Variants in SIK2 observed in about 807,000 individuals in gnomAD.
SIK2 encodes serine/threonine-protein kinase SIK2.
A neutral mutation model predicts 103.2 loss-of-function variants in SIK2; 29 were observed. The observed-to-expected ratio is 0.28, with a 90% CI of 0.21 to 0.38. SIK2 has a LOEUF of 0.38. Ranked by LOEUF, SIK2 falls within the 10% of genes least tolerant of loss-of-function variation. The pLI is 1.00. For missense variants in SIK2, 879 were observed against 1,171.0 expected, an observed-to-expected ratio of 0.75 and a Z score of 3.64; for synonymous variants, 412 against 446.1, an observed-to-expected ratio of 0.92 and a Z score of 0.96.
chr11:111,713,850 C>G (rs754811084), intron 9 of SIK2, among the ~76,000 whole-genome samples: 11 of 152,170 alleles, frequency 7.2e-5, no homozygotes, highest in East Asian at 3.9e-4. Context: ...GCCTGTAATC[C>G]CAGCTACTCG....
Position 111,720,978 on chromosome 11 carries a change from G to C in SIK2, c.1860G>C (p.Leu620Phe). ...TAGAGTTGAACAAAGTGCAGTTGTTGTATGAACAAATAGGACCGGAGGCAG... is the reference window on the plus strand; with the variant it reads ...TAGAGTTGAACAAAGTGCAGTTGTTCTATGAACAAATAGGACCGGAGGCAG... Reference protein sequence around the residue: ...GILELNKVQLLYEQIGPEADP... With the variant: ...GILELNKVQLFYEQIGPEADP... Residue 620 changes from leucine (L) to phenylalanine (F), a missense_variant, in exon 12 of 15, where the codon TTG becomes TTC. Transcript: ENST00000304987. 1 of 1,614,184 alleles carries C rather than the reference G, an allele frequency of 6.2e-7. No homozygotes were observed. Among genetic ancestry groups the C allele is most frequent in the Middle Eastern group, 1.6e-4 (1 of 6,062 alleles).
intron 3 of SIK2, among the ~76,000 whole-genome samples, chr11:111,635,921 A>G (rs541860878): frequency 1.3e-5 from 2 of 152,354 alleles, no homozygotes; most frequent in South Asian, 4.1e-4. Context: ...GATCTTGGCC[A>G]TAACCATACC....
At chr11:111,647,912 G>T (rs1055622586) in intron 3 of SIK2, among the ~76,000 whole-genome samples, 1 of 151,870 alleles carries the variant, frequency 6.6e-6, no homozygotes, top group Non-Finnish European at 1.5e-5. Context: ...CATGAAGATG[G>T]TTTTTTTACT....
chr11:111,670,922 G>T (rs1038357934), intron 3 of SIK2: 1 of 160,450 alleles, frequency 6.2e-6, no homozygotes, highest in Admixed American at 6.4e-5. Context: ...GCCACAGAAG[G>T]GGGTAGGCAG....
At chr11:111,682,666 AT>A (rs1181692708) in intron 3 of SIK2, among the ~76,000 whole-genome samples, 1 of 152,256 alleles carries the variant, frequency 6.6e-6, no homozygotes, top group Non-Finnish European at 1.5e-5. Flanking sequence ...CAAAATGTTG[AT>A]AACTCGAATT....
At chr11:111,628,855 C>G (rs985709017) in intron 3 of SIK2, among the ~76,000 whole-genome samples, 1 of 152,000 alleles carries the variant, frequency 6.6e-6, no homozygotes, top group South Asian at 2.1e-4. Flanking sequence ...GATTCTTCCC[C>G]TATCCCTATA....
intron 1 of SIK2, among the ~76,000 whole-genome samples, chr11:111,612,701 C>A (rs1212804764): frequency 6.6e-6 from 1 of 152,050 alleles, no homozygotes; most frequent in East Asian, 1.9e-4. Context: ...GATATTAAAG[C>A]CTCTTTGAAT....
At chr11:111,622,534 G>A (rs547266534) in intron 3 of SIK2, among the ~76,000 whole-genome samples, 8 of 152,078 alleles carry the variant, frequency 5.3e-5, no homozygotes, top group South Asian at 2.1e-4. Context: ...GATTACAGGC[G>A]TGAGCCACCG....
intron 6 of SIK2, 125 bp from the exon 7 acceptor site, chr11:111,703,078 G>A: frequency 1.3e-6 from 1 of 755,286 alleles, no homozygotes; most frequent in Non-Finnish European, 2.1e-6. Context: ...TTATTCATTT[G>A]ACCTTCTGCT....
chr11:111,640,886 T>C (rs1020147172), intron 3 of SIK2, among the ~76,000 whole-genome samples: 2 of 151,798 alleles, frequency 1.3e-5, no homozygotes, highest in Admixed American at 6.6e-5. Flanking sequence ...AGGCCCCCGC[T>C]ACCACCCTCG....
Position 111,722,079 on chromosome 11 carries a change from C to T in SIK2, c.2055+139C>T. The T allele has an allele frequency of 3.5e-6, 2 of 570,240 alleles. No homozygotes were observed. Among genetic ancestry groups the T allele is most frequent in the Non-Finnish European group, 5.8e-6 (2 of 343,078 alleles). The allele number at this position is 570,240 out of a possible 1,614,324, so 35.3% of individuals were successfully genotyped here. ...ATAGGCAAGTAGCTTTGACTCTGTA[C>T]TTGGAGTTTCTAGAAACGTGTTCAG... On this transcript the variant is annotated intron_variant, in intron 13 of 14. Transcript: ENST00000304987. The surrounding 1 kb of genome is among the most constrained non-coding windows in gnomAD (Gnocchi z 4.4).
At chr11:111,616,993 A>G (rs2135836929) in intron 2 of SIK2, among the ~76,000 whole-genome samples, 1 of 152,322 alleles carries the variant, frequency 6.6e-6, no homozygotes, top group African/African-American at 2.4e-5. Context: ...TCAGTGACAT[A>G]CTTTGTCATA....
intron 3 of SIK2, among the ~76,000 whole-genome samples, chr11:111,687,642 C>G (rs1311900338): frequency 1.3e-5 from 2 of 150,692 alleles, no homozygotes; most frequent in Admixed American, 1.3e-4. Context: ...GAGTCTCACT[C>G]TCGTCCAGGC....
rs113447415 is a variant in SIK2, at chr11:111,619,713, T to C, written c.253-626T>C. Among the ~76,000 whole-genome samples the C allele has an allele frequency of 6.5e-3, 991 of 152,344 alleles. 10 individuals are homozygous for C. The highest frequency in any genetic ancestry group is 0.022 in the African/African-American group (925 of 41,574). On this transcript the variant is annotated intron_variant, in intron 2 of 14. Coordinates refer to ENST00000304987, the MANE Select transcript of SIK2 (RefSeq NM_015191.3). Reference sequence around the variant, plus strand: ...AATCAGATGTATGACGATGACACACTTCATTCCGAATCTAGAAAAATGCAT... The same window carrying C: ...AATCAGATGTATGACGATGACACACCTCATTCCGAATCTAGAAAAATGCAT...
intron 3 of SIK2, among the ~76,000 whole-genome samples, chr11:111,678,539 T>TA (rs1190432439): frequency 9.8e-5 from 15 of 152,352 alleles, no homozygotes; most frequent in African/African-American, 3.4e-4. Context: ...TCATCACTCT[T>TA]ATGTAACTGA....
intron 3 of SIK2, chr11:111,671,398 C>A: frequency 4.0e-6 from 1 of 250,294 alleles, no homozygotes; most frequent in East Asian, 1.2e-4. Flanking sequence ...TGCTCAGCAT[C>A]TGATGGCAGC....
intron 6 of SIK2, among the ~76,000 whole-genome samples, chr11:111,702,730 G>C (rs1396992644): frequency 6.6e-6 from 1 of 152,208 alleles, no homozygotes; most frequent in Admixed American, 6.5e-5. Context: ...TCTTGGTGTA[G>C]TCAGAAGTAA....
At chr11:111,661,258 A>G (rs1008307202) in intron 3 of SIK2, among the ~76,000 whole-genome samples, 13 of 152,302 alleles carry the variant, frequency 8.5e-5, no homozygotes, top group African/African-American at 3.1e-4. Context: ...ATGTATGTCA[A>G]TACCCATACC....
intron 3 of SIK2, among the ~76,000 whole-genome samples, chr11:111,652,192 C>A (rs753230753): frequency 1.5e-4 from 23 of 152,074 alleles, no homozygotes; most frequent in Non-Finnish European, 3.1e-4. Flanking sequence ...ACAATGTAAT[C>A]AATCTTGAGA....
Sources: gnomAD v4.1 joint callset for allele counts (sites outside exome capture counted in the v4.1 genomes callset) on GRCh38, gnomAD v4.1.1 for gene constraint, Gnocchi (gnomAD v3.1) non-coding constraint, MANE v1.5 for transcripts, NCBI Gene and HGNC (gene_info 2026-07-23, HGNC 2026-07-21) for gene names.